Variants in OPRM1 observed in about 807,000 individuals in gnomAD.
OPRM1 encodes mu-type opioid receptor.
In OPRM1, 27 loss-of-function variants were observed where a neutral mutation model predicts 31.8. That is an observed-to-expected ratio of 0.85 (90% confidence interval 0.63 to 1.17). OPRM1 has a LOEUF of 1.17. OPRM1 is among the 50% of genes most tolerant of loss of function. The probability of loss-of-function intolerance (pLI) is 0.00; values close to 1 mark genes in which losing one functional copy is unlikely to be tolerated. For synonymous variants in OPRM1, 196 were observed against 189.9 expected (o/e 1.03, Z -0.26); for missense variants, 536 against 511.1 (o/e 1.05, Z -0.47).
intron 3 of OPRM1, among the ~76,000 whole-genome samples, chr6:154,100,223 C>CATAATATATATTACCATATTAT (rs869196039): frequency 7.0e-6 from 1 of 142,824 alleles, no homozygotes; most frequent in African/African-American, 2.6e-5. Context: ...TATGACATAT[C>CATAATATATATTACCATATTAT]GTAATATATA....
chr6:154,159,152 G>A (rs1292122792), intron 3 of OPRM1: 2 of 152,278 alleles, frequency 1.3e-5, no homozygotes, highest in South Asian at 2.1e-4. Context: ...GTAAGGAAAG[G>A]AAACATTAAT....
chr6:154,180,414 A>ATATATATATATAT (rs1241250621), intron 3 of OPRM1, among the ~76,000 whole-genome samples: 2 of 65,268 alleles, frequency 3.1e-5, no homozygotes, highest in African/African-American at 9.6e-5. Flanking sequence ...ATATATATAT[A>ATATATATATATAT]TTTTTTTTTT....
rs376070402 is a variant in OPRM1, at chr6:154,059,124, C to G, written c.290+19290C>G. ...CCAGAATTGTTCCCTAATTGGCAGC[C>G]TATTTTCCTTATTGATAGGCTCTAC... On this transcript the variant is annotated intron_variant, in intron 1 of 3. Transcript: ENST00000330432. Among the ~76,000 whole-genome samples the G allele has an allele frequency of 2.0e-4, 31 of 152,272 alleles. No homozygotes were observed. In the South Asian group the frequency reaches 6.2e-3, roughly 31 times the overall value.
chr6:154,237,060 C>T lies in OPRM1; in HGVS notation c.1165-9633C>T, dbSNP rs1780192710. On this transcript the variant is annotated intron_variant, in intron 3 of 3. Coordinates refer to the OPRM1 transcript ENST00000337049. ...CTCTATGGAAGATTAAACACAGCAG[C>T]ACAGTGACAGATGAGTCTATCAATT... 5.9e-5 allele frequency among the ~76,000 whole-genome samples: 9 copies of T among 152,174 alleles called. 1 individual carries two copies. Among genetic ancestry groups the T allele is most frequent in the Admixed American group, 5.9e-4 (9 of 15,274 alleles).
intron 3 of OPRM1, among the ~76,000 whole-genome samples, chr6:154,169,186 C>A (rs1317003707): frequency 6.6e-6 from 1 of 151,922 alleles, no homozygotes; most frequent in Non-Finnish European, 1.5e-5. Flanking sequence ...CATGGTAAAA[C>A]CCGTTGTCTA....
At chr6:154,084,131 G>A (rs936828114) in intron 1 of OPRM1, among the ~76,000 whole-genome samples, 2 of 151,958 alleles carry the variant, frequency 1.3e-5, no homozygotes, top group African/African-American at 4.8e-5. Context: ...CCCGTCGCAG[G>A]ATTCAGAGGT....
At chr6:154,109,786 CTCTCTCTGTGTGTGTGTGTGTGTGTG>C (rs925176390) in intron 3 of OPRM1, among the ~76,000 whole-genome samples, 22 of 92,370 alleles carry the variant, frequency 2.4e-4, no homozygotes, top group Admixed American at 2.2e-3. Flanking sequence ...CTCTCTCTCT[CTCTCTCTGTGTGTGTGTGTGTGTGTG>C]TGTGTGTGTG....
At chr6:154,078,792 C>T (rs1236679134) in intron 1 of OPRM1, among the ~76,000 whole-genome samples, 1 of 152,054 alleles carries the variant, frequency 6.6e-6, no homozygotes, top group Non-Finnish European at 1.5e-5. Context: ...GGTAGAGGAT[C>T]GCTTGAACAG....
intron 3 of OPRM1, among the ~76,000 whole-genome samples, chr6:154,227,472 A>G (rs995901445): frequency 6.6e-6 from 1 of 152,054 alleles, no homozygotes; most frequent in African/African-American, 2.4e-5. Context: ...TAATCCCAAC[A>G]CTTTTGGAGG....
At position 154,132,079 on chromosome 6, in the gene OPRM1, G is replaced by A. The variant is rs1450347084; in HGVS notation, c.*13358G>A. Among the ~76,000 whole-genome samples, 1 of 152,012 alleles carries A rather than the reference G, an allele frequency of 6.6e-6. No individual in the cohort carries two copies. Among genetic ancestry groups the A allele is most frequent in the African/African-American group, 2.4e-5 (1 of 41,382 alleles). Reference sequence around the variant, plus strand: ...TCCAGGTAGGACAGGATGATCAGATGCAGCTTTCAAAAGAACTACCTGCTA... The same window carrying A: ...TCCAGGTAGGACAGGATGATCAGATACAGCTTTCAAAAGAACTACCTGCTA... On this transcript the variant is annotated 3_prime_UTR_variant, in exon 4 of 4. Coordinates refer to ENST00000330432, the MANE Select transcript of OPRM1 (RefSeq NM_000914.5).
intron 1 of OPRM1, among the ~76,000 whole-genome samples, chr6:154,011,743 TA>T (rs1486961459): frequency 3.9e-5 from 6 of 152,132 alleles, no homozygotes; most frequent in African/African-American, 1.4e-4. Context: ...TGACAGCCAT[TA>T]GAATGAGCAC....
intron 1 of OPRM1, among the ~76,000 whole-genome samples, chr6:154,055,603 G>A (rs1054550718): frequency 3.9e-5 from 6 of 152,084 alleles, no homozygotes; most frequent in African/African-American, 1.4e-4. Context: ...CAGAGAAGAA[G>A]CTAGGTTTTG....
chr6:154,106,953 A>C (rs1261226788), intron 3 of OPRM1, among the ~76,000 whole-genome samples: 1 of 152,236 alleles, frequency 6.6e-6, no homozygotes, highest in Non-Finnish European at 1.5e-5. Context: ...TATTTCCAAA[A>C]TATTACTAAA....
At chr6:154,200,856 T>A (rs1777010271) in intron 3 of OPRM1, among the ~76,000 whole-genome samples, 1 of 152,118 alleles carries the variant, frequency 6.6e-6, no homozygotes, top group South Asian at 2.1e-4. Flanking sequence ...AGAGAAAACA[T>A]CAAAGCAACA....
At chr6:154,086,963 C>CT in intron 1 of OPRM1, 1 of 984,250 alleles carries the variant, frequency 1.0e-6, no homozygotes, top group Non-Finnish European at 1.2e-6. Flanking sequence ...TTTAATTTTG[C>CT]TTTTTTGTTG....
intron 1 of OPRM1, among the ~76,000 whole-genome samples, chr6:154,089,449 A>G (rs1791474735): frequency 6.6e-6 from 1 of 151,992 alleles, no homozygotes; most frequent in Admixed American, 6.6e-5. Context: ...TTAACAGGGT[A>G]TGGTGGCATG....
chr6:154,131,522 A>G lies in OPRM1; in HGVS notation c.*12801A>G, dbSNP rs1271984218. ...CAGTGTTGGGGGTGAAATAAAAGAT[A>G]GACCCCTGCTGCTCTGCACGTAGAT... On this transcript the variant is annotated 3_prime_UTR_variant, in exon 4 of 4. Coordinates refer to ENST00000330432, the MANE Select transcript of OPRM1 (RefSeq NM_000914.5). Among the ~76,000 whole-genome samples the G allele has an allele frequency of 6.6e-6, 1 of 152,256 alleles. No homozygotes were observed. The highest frequency in any genetic ancestry group is 1.5e-5 in the Non-Finnish European group (1 of 68,046).
chr6:154,210,561 T>G (rs755776711), intron 3 of OPRM1, among the ~76,000 whole-genome samples: 2 of 152,202 alleles, frequency 1.3e-5, no homozygotes, highest in South Asian at 4.1e-4. Flanking sequence ...AAGGGTAAAC[T>G]AATCAGAAAG....
chr6:154,153,952 T>C (rs1386477490), intron 3 of OPRM1, among the ~76,000 whole-genome samples: 1 of 152,214 alleles, frequency 6.6e-6, no homozygotes, highest in Non-Finnish European at 1.5e-5. Context: ...ATGAGATTGT[T>C]CCCGAAATCA....
Sources: gnomAD v4.1 joint callset for allele counts (sites outside exome capture counted in the v4.1 genomes callset) on GRCh38, gnomAD v4.1.1 for gene constraint, MANE v1.5 for transcripts, NCBI Gene and HGNC (gene_info 2026-07-23, HGNC 2026-07-21) for gene names.